SGSM1: variants seen among roughly 807,000 people sequenced by gnomAD.
SGSM1 encodes the protein RUN and TBC1 domain containing 2.
Under a neutral mutation model 133.8 loss-of-function variants are expected in SGSM1, and 73 were observed. The ratio of observed to expected loss-of-function variants is 0.55; its 90% CI spans 0.45 to 0.66. SGSM1 has a LOEUF of 0.66. SGSM1 is among the 30% of genes least tolerant of loss of function. The pLI is 0.00. For missense variants in SGSM1, 1,213 were observed against 1,448.1 expected, an observed-to-expected ratio of 0.84 and a Z score of 2.64; for synonymous variants, 563 against 573.0, an observed-to-expected ratio of 0.98 and a Z score of 0.25.
At position 24,879,283 on chromosome 22, in the gene SGSM1, G is replaced by A. The variant is rs115476078; in HGVS notation, c.1431-179G>A. ...TGATTTCTCAAGGGAAAATCAGGGG[G>A]CCGGTACCAGAAGAGGCAATGATGC... On this transcript the variant is annotated intron_variant, in intron 13 of 24. Transcript: ENST00000400358. 2.9e-3 allele frequency among the ~76,000 whole-genome samples: 442 copies of A among 152,286 alleles called. 2 individuals are homozygous for A. Among genetic ancestry groups the A allele is most frequent in the African/African-American group, 0.01 (422 of 41,558 alleles).
At chr22:24,911,028 C>A (rs1933597519) in intron 21 of SGSM1, among the ~76,000 whole-genome samples, 1 of 151,940 alleles carries the variant, frequency 6.6e-6, no homozygotes, top group African/African-American at 2.4e-5. Flanking sequence ...TGGAGGTGGG[C>A]AGATTGTGAC....
intron 21 of SGSM1, among the ~76,000 whole-genome samples, chr22:24,908,894 T>TAATATGCAAATGGCC (rs368235118): frequency 0.07 from 10,637 of 152,084 alleles, 429 homozygotes; most frequent in Non-Finnish European, 0.081. Context: ...TGCAAATGGC[T>TAATATGCAAATGGCC]AATATGCAAA....
intron 12 of SGSM1, among the ~76,000 whole-genome samples, chr22:24,870,953 C>T (rs1010056040): frequency 2.6e-5 from 4 of 152,220 alleles, no homozygotes; most frequent in Admixed American, 1.3e-4. Context: ...ATTTGCCTCT[C>T]CCTTACTGAT....
At chr22:24,873,622 G>A (rs557062664) in intron 12 of SGSM1, among the ~76,000 whole-genome samples, 4 of 152,240 alleles carry the variant, frequency 2.6e-5, no homozygotes, top group African/African-American at 9.6e-5. Flanking sequence ...AGGCTGAGGC[G>A]GGAGGATGGC....
intron 2 of SGSM1, among the ~76,000 whole-genome samples, chr22:24,830,757 C>A (rs1929076293): frequency 1.5e-5 from 1 of 65,310 alleles, no homozygotes; most frequent in South Asian, 4.3e-4. Flanking sequence ...ACCGGGAGGG[C>A]TTGGTAAATG....
At chr22:24,873,679 T>C (rs5996782) in intron 12 of SGSM1, among the ~76,000 whole-genome samples, 64,517 of 151,902 alleles carry the variant, frequency 0.42, 17,607 homozygotes, top group African/African-American at 0.78. Flanking sequence ...GGCAAAACCC[T>C]ATCTCTACAA....
intron 2 of SGSM1, among the ~76,000 whole-genome samples, chr22:24,823,679 T>A (rs1306708552): frequency 6.6e-6 from 1 of 151,712 alleles, no homozygotes; most frequent in Admixed American, 6.6e-5. Context: ...ATGCCTGTAA[T>A]CCCAGCACTT....
At chr22:24,839,297 C>T (rs1358468139) in intron 2 of SGSM1, among the ~76,000 whole-genome samples, 2 of 152,162 alleles carry the variant, frequency 1.3e-5, no homozygotes, top group Non-Finnish European at 2.9e-5. Flanking sequence ...CTCCTAGGCC[C>T]AAGTGATCCT....
intron 21 of SGSM1, among the ~76,000 whole-genome samples, chr22:24,910,790 C>A (rs1192852330): frequency 6.6e-6 from 1 of 151,946 alleles, no homozygotes; most frequent in African/African-American, 2.4e-5. Flanking sequence ...ACTAAAAATA[C>A]AAAAGTTAGC....
At chr22:24,808,380 C>T (rs1229921900) in intron 2 of SGSM1, among the ~76,000 whole-genome samples, 1 of 152,150 alleles carries the variant, frequency 6.6e-6, no homozygotes, top group Non-Finnish European at 1.5e-5. Flanking sequence ...TCCCAAAGTG[C>T]TGGAATTACA....
At chr22:24,829,376 T>C (rs568333758) in intron 2 of SGSM1, among the ~76,000 whole-genome samples, 2 of 152,096 alleles carry the variant, frequency 1.3e-5, no homozygotes, top group Admixed American at 1.3e-4. Flanking sequence ...CACCAAGGCC[T>C]ATGGAAGGGT....
chr22:24,814,075 A>G (rs1927917368), intron 2 of SGSM1: 1 of 152,146 alleles, frequency 6.6e-6, no homozygotes. Flanking sequence ...CAGGATTCCA[A>G]GAACCTCAAC....
At chr22:24,851,832 G>A (rs1003252831) in intron 5 of SGSM1, among the ~76,000 whole-genome samples, 3 of 152,302 alleles carry the variant, frequency 2.0e-5, no homozygotes, top group African/African-American at 4.8e-5. Context: ...TGTTTCTGGT[G>A]GAGGGAATAG....
At chr22:24,919,782 C>T (rs1472083949) in intron 23 of SGSM1, 44 bp from the exon 24 acceptor site, 6 of 1,609,306 alleles carry the variant, frequency 3.7e-6, no homozygotes, top group Non-Finnish European at 5.1e-6. Flanking sequence ...ACACTGTGAG[C>T]CCCGTCACCA....
intron 8 of SGSM1, 34 bp from the exon 9 acceptor site, chr22:24,859,682 C>T (rs761164184): frequency 8.1e-6 from 13 of 1,612,804 alleles, no homozygotes; most frequent in South Asian, 1.1e-5. Context: ...AACTCCAGCA[C>T]CATGGCCAGA....
chr22:24,913,195 A>G (rs990638635), intron 22 of SGSM1, among the ~76,000 whole-genome samples: 15 of 150,080 alleles, frequency 1.0e-4, no homozygotes, highest in Admixed American at 8.7e-4. Flanking sequence ...CTGGAGGCTG[A>G]GGCAGGAGAA....
At chr22:24,916,504 C>A (rs1001304927) in intron 22 of SGSM1, among the ~76,000 whole-genome samples, 1 of 151,996 alleles carries the variant, frequency 6.6e-6, no homozygotes, top group African/African-American at 2.4e-5. Flanking sequence ...ACCAGCCTGG[C>A]CAACATGGTG....
intron 8 of SGSM1, among the ~76,000 whole-genome samples, chr22:24,858,635 C>CAAAAAAAAAAAAAAAAAAAAAA (rs139699): frequency 1.2e-5 from 1 of 83,032 alleles, no homozygotes; most frequent in African/African-American, 3.6e-5. Flanking sequence ...GACTCCATCT[C>CAAAAAAAAAAAAAAAAAAAAAA]AAAAAAAAAA....
chr22:24,918,754 G>A (rs1042535369), intron 23 of SGSM1, among the ~76,000 whole-genome samples: 3 of 151,338 alleles, frequency 2.0e-5, no homozygotes, highest in East Asian at 2.0e-4. Flanking sequence ...TTTTGGAGAC[G>A]GAGTCTTACT....
Sources: allele counts gnomAD v4.1 joint callset (sites outside exome capture counted in the v4.1 genomes callset), GRCh38; gene constraint gnomAD v4.1.1; transcripts MANE v1.5; gene names NCBI Gene and HGNC (gene_info 2026-07-23, HGNC 2026-07-21).